CASD1: variants seen among roughly 807,000 people sequenced by gnomAD.
CASD1 encodes the protein N-acetylneuraminate (7)9-O-acetyltransferase.
In CASD1, 41 loss-of-function variants were observed where a neutral mutation model predicts 100.0. The observed-to-expected ratio is 0.41, with a 90% CI of 0.32 to 0.53. The LOEUF (loss-of-function observed/expected upper bound fraction) is 0.53. Among genes scored for constraint, CASD1 ranks in the 20% least tolerant of loss-of-function variants. The pLI, the probability that CASD1 is intolerant of heterozygous loss-of-function variation, is 0.25. For missense variants in CASD1, 774 were observed against 948.7 expected (o/e 0.82, Z 2.42); for synonymous variants, 321 against 315.6 (o/e 1.02, Z -0.18).
the CASD1 span, chr7:94,599,621 A>G: frequency 9.2e-7 from 1 of 1,092,540 alleles, no homozygotes; most frequent in East Asian, 2.4e-5. Flanking sequence ...AGCTTGACAC[A>G]CATGTATGGA....
At chr7:94,560,044 C>G (rs917957027), downstream of CASD1, among the ~76,000 whole-genome samples, 2 of 151,978 alleles carry the variant, frequency 1.3e-5, no homozygotes, top group African/African-American at 4.8e-5. Flanking sequence ...TAGGCTTTGT[C>G]TTTCTCTTTT....
downstream of CASD1, among the ~76,000 whole-genome samples, chr7:94,557,436 A>G (rs1796245682): frequency 6.6e-6 from 1 of 152,102 alleles, no homozygotes; most frequent in Non-Finnish European, 1.5e-5. Context: ...AGAGAATAGT[A>G]TAGTTATAAA....
chr7:94,623,182 GTTTTC>G, the CASD1 span: 9 of 573,584 alleles, frequency 1.6e-5, no homozygotes, highest in Non-Finnish European at 2.4e-5. Flanking sequence ...ATATTGCTTA[GTTTTC>G]TTTTCTATAT....
chr7:94,613,397 CTTTATGACCCTAGCACATG>C, the CASD1 span, among the ~76,000 whole-genome samples: 8 of 152,014 alleles, frequency 5.3e-5, no homozygotes, highest in Non-Finnish European at 1.2e-4. Flanking sequence ...TGATCTTTAC[CTTTATGACCCTAGCACATG>C]TTTTCAAATT....
chr7:94,535,020 T>G (rs1019130802), intron 7 of CASD1, among the ~76,000 whole-genome samples: 4 of 152,152 alleles, frequency 2.6e-5, no homozygotes, highest in Non-Finnish European at 5.9e-5. Flanking sequence ...GTTAAACTCT[T>G]AAGACATGCT....
At chr7:94,578,157 C>T in the CASD1 span, among the ~76,000 whole-genome samples, 1 of 152,252 alleles carries the variant, frequency 6.6e-6, no homozygotes, top group East Asian at 1.9e-4. Context: ...TTAATGCTGA[C>T]AATTTTTACC....
chr7:94,569,271 TTGAC>T, the CASD1 span, among the ~76,000 whole-genome samples: 1 of 152,162 alleles, frequency 6.6e-6, no homozygotes, highest in Non-Finnish European at 1.5e-5. Flanking sequence ...GTAATTGTAA[TTGAC>T]TGTACAATTG....
chr7:94,601,654 A>T, the CASD1 span, among the ~76,000 whole-genome samples: 1 of 152,098 alleles, frequency 6.6e-6, no homozygotes, highest in Non-Finnish European at 1.5e-5. Context: ...AGCATTATTC[A>T]GTATCTTCTC....
the CASD1 span, chr7:94,624,162 C>CA: frequency 0.022 from 7,544 of 347,624 alleles, 13 homozygotes; most frequent in South Asian, 0.08. Context: ...TGCAGTACCT[C>CA]AAAAAAAAAA....
intron 3 of CASD1, among the ~76,000 whole-genome samples, chr7:94,525,890 G>A (rs1018337109): frequency 6.6e-6 from 1 of 152,140 alleles, no homozygotes; most frequent in African/African-American, 2.4e-5. Context: ...AAACATTTCA[G>A]CTTTGATTTT....
chr7:94,615,791 G>A, the CASD1 span, among the ~76,000 whole-genome samples: 4 of 151,940 alleles, frequency 2.6e-5, no homozygotes, highest in East Asian at 1.9e-4. Flanking sequence ...TACATCACTC[G>A]CCTGTGGTTG....
chr7:94,511,082 CTGAT>C (rs781461986), intron 1 of CASD1, among the ~76,000 whole-genome samples: 12 of 152,320 alleles, frequency 7.9e-5, no homozygotes, highest in East Asian at 1.9e-4. Flanking sequence ...CTTCTCCTTG[CTGAT>C]TGATTGTTTT....
intron 5 of CASD1, among the ~76,000 whole-genome samples, chr7:94,530,742 G>T (rs1342155793): frequency 6.6e-6 from 1 of 152,058 alleles, no homozygotes; most frequent in African/African-American, 2.4e-5. Context: ...GAAGTTATTT[G>T]AATGGAAGAA....
At chr7:94,512,512 A>G (rs1292040108) in intron 1 of CASD1, among the ~76,000 whole-genome samples, 3 of 152,236 alleles carry the variant, frequency 2.0e-5, no homozygotes, top group Non-Finnish European at 4.4e-5. Flanking sequence ...TGCTTTACAA[A>G]CTACCGAAAG....
chr7:94,552,401 C>T lies in CASD1; in HGVS notation c.2008C>T (p.Leu670Phe). ...SCKNKAECNE[L>F]HPSVSVVQIL... The stretch of plus-strand genomic sequence containing the variant: ...TAAAAACAAAGCAGAGTGCAATGAA[C>T]TCCATCCGTCTGTTTCTGTGGTACA... The change falls in exon 16 of 18, where the codon CTC becomes TTC. Residue 670 changes from leucine (L) to phenylalanine (F), a missense_variant. Leu to Phe is a conservative substitution (Grantham distance 22). Around this residue, in one of 5 missense-constraint regions of CASD1, gnomAD observed 175 missense variants for 206.9 expected, o/e 0.85. Transcript: ENST00000297273. 1 of 1,610,346 alleles carries T rather than the reference C, an allele frequency of 6.2e-7. No individual in the cohort carries two copies. The highest frequency in any genetic ancestry group is 8.5e-7 in the Non-Finnish European group (1 of 1,178,584).
rs200497452 is a variant in CASD1, at chr7:94,528,281, T to A, written c.459+31T>A. On this transcript the variant is annotated intron_variant, in intron 5 of 17. Transcript: ENST00000297273. ...TATTTAAAAAACATAGGCTTTTTTT[T>A]TTTTTATTTTTATTCCCTTTACACA... is the stretch of plus-strand genomic sequence containing the variant. The A allele has an allele frequency of 5.6e-5, 82 of 1,466,496 alleles. No homozygotes were observed. In the East Asian group the frequency reaches 9.1e-4, roughly 16 times the overall value. The allele number at this position is 1,466,496 out of a possible 1,614,324, so 90.8% of individuals were successfully genotyped here.
At chr7:94,578,415 T>A in the CASD1 span, among the ~76,000 whole-genome samples, 1 of 152,174 alleles carries the variant, frequency 6.6e-6, no homozygotes, top group Non-Finnish European at 1.5e-5. Flanking sequence ...AGATCCTTCA[T>A]GTTCTTGAGA....
chr7:94,527,350 T>C, intron 4 of CASD1, 144 bp downstream of exon 4: 1 of 615,744 alleles, frequency 1.6e-6, no homozygotes, highest in South Asian at 2.9e-5. Flanking sequence ...TGTGAGTTAT[T>C]TTATGTAATG....
At chr7:94,591,006 C>CT in the CASD1 span, 1 of 152,174 alleles carries the variant, frequency 6.6e-6, no homozygotes, top group African/African-American at 2.4e-5. Context: ...AAACTCAACT[C>CT]TAACACAATT....
Sources: allele counts gnomAD v4.1 joint callset (sites outside exome capture counted in the v4.1 genomes callset), GRCh38; gene constraint gnomAD v4.1.1; regional missense constraint gnomAD v4.1.1; transcripts MANE v1.5; gene names NCBI Gene and HGNC (gene_info 2026-07-23, HGNC 2026-07-21).